LUZP2: variants seen among roughly 807,000 people sequenced by gnomAD.
The protein encoded by LUZP2 is leucine zipper protein 2.
Under a neutral mutation model 51.6 loss-of-function variants are expected in LUZP2, and 52 were observed. The ratio of observed to expected loss-of-function variants is 1.01; its 90% confidence interval spans 0.81 to 1.27. The LOEUF (loss-of-function observed/expected upper bound fraction) is 1.27. Among genes scored for constraint, LUZP2 ranks in the 50% most tolerant of loss-of-function variants. The pLI, the probability that LUZP2 is intolerant of heterozygous loss-of-function variation, is 0.00. For missense variants in LUZP2, 436 were observed against 395.4 expected (o/e 1.10, Z -0.87); for synonymous variants, 154 against 137.3 (o/e 1.12, Z -0.85).
intron 5 of LUZP2, among the ~76,000 whole-genome samples, chr11:24,841,930 T>C (rs1002716325): frequency 6.6e-6 from 1 of 152,074 alleles, no homozygotes; most frequent in Non-Finnish European, 1.5e-5. Context: ...CCCTAAGATT[T>C]TGTAGCATAT....
intron 1 of LUZP2, among the ~76,000 whole-genome samples, chr11:24,607,504 G>A (rs1400230039): frequency 1.3e-5 from 2 of 151,298 alleles, no homozygotes; most frequent in Non-Finnish European, 2.9e-5. Context: ...ATATTCCATT[G>A]TCTGCTTTTA....
At chr11:24,851,529 A>G (rs2631455) in intron 5 of LUZP2, among the ~76,000 whole-genome samples, 23,048 of 152,140 alleles carry the variant, frequency 0.15, 1,905 homozygotes, top group African/African-American at 0.2. Flanking sequence ...GGATTTTCAC[A>G]TTAATGTTCA....
chr11:25,065,938 A>G (rs916263489), intron 10 of LUZP2, among the ~76,000 whole-genome samples: 6 of 151,918 alleles, frequency 3.9e-5, no homozygotes, highest in East Asian at 1.9e-4. Context: ...ACAGTCTCCA[A>G]CCTTCTAATT....
At chr11:24,652,533 T>C (rs1430153726) in intron 1 of LUZP2, among the ~76,000 whole-genome samples, 1 of 152,054 alleles carries the variant, frequency 6.6e-6, no homozygotes, top group East Asian at 1.9e-4. Flanking sequence ...AGATAATATT[T>C]AAGAAACTAT....
intron 1 of LUZP2, among the ~76,000 whole-genome samples, chr11:24,537,619 C>A (rs1564976930): frequency 6.8e-6 from 1 of 147,222 alleles, no homozygotes; most frequent in Non-Finnish European, 1.5e-5. Flanking sequence ...TAGAGGCCCC[C>A]TTTTTTATAG....
intron 5 of LUZP2, among the ~76,000 whole-genome samples, chr11:24,774,398 ATT>A (rs200866913): frequency 2.9e-5 from 4 of 135,834 alleles, no homozygotes; most frequent in African/African-American, 8.1e-5. Context: ...ACACACACAT[ATT>A]TATAAAGAAT....
chr11:24,717,870 G>C (rs11028123), intron 1 of LUZP2, among the ~76,000 whole-genome samples: 55,047 of 92,100 alleles, frequency 0.6, 10,347 homozygotes, highest in Non-Finnish European at 0.61. Flanking sequence ...CTGTTCCTGT[G>C]TTAGTTTGCT....
At chr11:24,876,500 G>T (rs1290210956) in intron 5 of LUZP2, among the ~76,000 whole-genome samples, 1 of 147,376 alleles carries the variant, frequency 6.8e-6, no homozygotes, top group Admixed American at 6.9e-5. Context: ...GGTTACTGTA[G>T]CCTTGTAGTA....
chr11:24,937,941 A>G (rs1854637314), intron 7 of LUZP2, among the ~76,000 whole-genome samples: 1 of 151,720 alleles, frequency 6.6e-6, no homozygotes, highest in South Asian at 2.1e-4. Flanking sequence ...AATACGTCAT[A>G]TGTTCTTAAC....
chr11:25,002,556 C>T (rs1856715269), intron 9 of LUZP2, among the ~76,000 whole-genome samples: 1 of 152,184 alleles, frequency 6.6e-6, no homozygotes, highest in Non-Finnish European at 1.5e-5. Context: ...GTAGTCCAGA[C>T]AGTGAGATCC....
At chr11:24,994,159 CTT>C (rs58939086) in intron 9 of LUZP2, among the ~76,000 whole-genome samples, 236 of 127,628 alleles carry the variant, frequency 1.8e-3, no homozygotes, top group South Asian at 2.7e-3. Context: ...GCACCTGGCC[CTT>C]TTTTTTTTTT....
At chr11:24,626,090 G>A (rs1022083452) in intron 1 of LUZP2, among the ~76,000 whole-genome samples, 8 of 152,048 alleles carry the variant, frequency 5.3e-5, no homozygotes, top group Admixed American at 2.6e-4. Flanking sequence ...TGTCAACCTC[G>A]GAGGGTTATT....
intron 5 of LUZP2, among the ~76,000 whole-genome samples, chr11:24,813,622 G>A (rs1289545902): frequency 6.6e-6 from 1 of 152,202 alleles, no homozygotes; most frequent in East Asian, 1.9e-4. Context: ...ATTCATGAGG[G>A]ATCCATCCCC....
intron 5 of LUZP2, among the ~76,000 whole-genome samples, chr11:24,896,379 G>A (rs1853052177): frequency 6.6e-6 from 1 of 152,172 alleles, no homozygotes; most frequent in South Asian, 2.1e-4. Flanking sequence ...CCCACACTTG[G>A]AGCAGCCAGC....
In LUZP2 at chr11:25,082,619, A is replaced by G. The variant is rs1401729334; in HGVS notation, c.*3961A>G. On this transcript the variant is annotated 3_prime_UTR_variant, in exon 12 of 12. Transcript: ENST00000336930. ...GCTGAAAGATGGCCTATTTTTGTTC[A>G]ATAAAGATTGTTACAAGAATACAAT... 1 of 152,210 alleles carries G rather than the reference A, an allele frequency of 6.6e-6. No homozygotes were observed. Among genetic ancestry groups the G allele is most frequent in the Non-Finnish European group, 1.5e-5 (1 of 68,022 alleles). The allele number at this position is 152,210 out of a possible 1,614,324, so 9.4% of individuals were successfully genotyped here. A position where few individuals can be genotyped will look rare whatever the true frequency, so the allele number is the denominator to read the frequency against.
At chr11:24,765,775 C>T (rs1224847936) in intron 5 of LUZP2, among the ~76,000 whole-genome samples, 5 of 151,852 alleles carry the variant, frequency 3.3e-5, no homozygotes, top group Non-Finnish European at 5.9e-5. Context: ...TACAGATGCC[C>T]GCCACCACGC....
At chr11:24,601,909 T>C (rs190757354) in intron 1 of LUZP2, among the ~76,000 whole-genome samples, 38 of 122,266 alleles carry the variant, frequency 3.1e-4, no homozygotes, top group Middle Eastern at 5.0e-3. Context: ...TATATGTATA[T>C]ATGTATATAT....
chr11:24,875,747 A>C (rs561266220), intron 5 of LUZP2, among the ~76,000 whole-genome samples: 36 of 152,036 alleles, frequency 2.4e-4, no homozygotes, highest in African/African-American at 4.6e-4. Flanking sequence ...TATTTCTCCA[A>C]ATCCTCTCCA....
At chr11:24,684,639 G>A (rs568174441) in intron 1 of LUZP2, among the ~76,000 whole-genome samples, 101 of 152,358 alleles carry the variant, frequency 6.6e-4, no homozygotes, top group African/African-American at 2.3e-3. Context: ...GGAGGGAAAA[G>A]TATCCTGGTT....
Sources: gnomAD v4.1 joint callset for allele counts (sites outside exome capture counted in the v4.1 genomes callset) on GRCh38, gnomAD v4.1.1 for gene constraint, MANE v1.5 for transcripts, NCBI Gene and HGNC (gene_info 2026-07-23, HGNC 2026-07-21) for gene names.